The following VPS13B variants were observed in gnomAD, a reference collection of about 807,000 sequenced individuals.
The protein encoded by VPS13B is vacuolar protein sorting 13 homolog B.
In VPS13B, 285 loss-of-function variants were observed where a neutral mutation model predicts 426.4. The observed-to-expected ratio is 0.67, with a 90% confidence interval of 0.61 to 0.74. The LOEUF is 0.74. Ranked by LOEUF, VPS13B falls within the 30% of genes least tolerant of loss-of-function variation. The pLI, the probability that VPS13B is intolerant of heterozygous loss-of-function variation, is 0.00. For synonymous variants in VPS13B, 1,676 were observed against 1,676.4 expected, an observed-to-expected ratio of 1.00 and a Z score of 0.01; for missense variants, 4,537 against 4,782.6, an observed-to-expected ratio of 0.95 and a Z score of 1.51.
At chr8:99,615,289 T>C (rs1828039284) in intron 33 of VPS13B, among the ~76,000 whole-genome samples, 1 of 152,202 alleles carries the variant, frequency 6.6e-6, no homozygotes, top group African/African-American at 2.4e-5. Context: ...GCAAAAACCA[T>C]AGAATGGTCA....
At chr8:99,784,163 T>A (rs1812147234) in intron 42 of VPS13B, 152 bp from the exon 43 acceptor site, 1 of 925,336 alleles carries the variant, frequency 1.1e-6, no homozygotes. Flanking sequence ...TGTGTGCTTA[T>A]CCTGGCAGTA....
chr8:99,528,568 C>A (rs1338189177), intron 30 of VPS13B, among the ~76,000 whole-genome samples: 1 of 152,080 alleles, frequency 6.6e-6, no homozygotes, highest in African/African-American at 2.4e-5. Flanking sequence ...TTTGTCTACA[C>A]CACCTCCCAA....
At chr8:99,575,934 T>C in intron 32 of VPS13B, 150 bp downstream of exon 32, 1 of 753,160 alleles carries the variant, frequency 1.3e-6, no homozygotes, top group East Asian at 2.7e-5. Context: ...TATGGAGCAC[T>C]TTGTAGTACT....
intron 24 of VPS13B, among the ~76,000 whole-genome samples, chr8:99,475,009 C>A (rs949979145): frequency 2.6e-5 from 4 of 152,078 alleles, no homozygotes; most frequent in African/African-American, 7.2e-5. Flanking sequence ...ACTAATCAGC[C>A]ATTAAAGGGC....
chr8:99,698,539 A>G (rs1184307946), intron 35 of VPS13B, among the ~76,000 whole-genome samples: 3 of 152,190 alleles, frequency 2.0e-5, no homozygotes, highest in Non-Finnish European at 2.9e-5. Context: ...ATAATATTAC[A>G]TATGATTTAT....
rs770873113 is a variant in VPS13B, at chr8:99,384,336, A to AT, written c.2934+25dup. ...GCAACAGGTAAGAGATTTTTAAATA[A>AT]TTTTTTCTGTTAACAAATATTTTTC... On this transcript the variant is annotated intron_variant, in intron 20 of 61. Coordinates refer to ENST00000357162, the MANE Select transcript of VPS13B (RefSeq NM_152564.5). 1.3e-5 allele frequency: 21 copies of AT among 1,585,892 alleles called. No individual in the cohort carries two copies. In the African/African-American group the frequency reaches 2.3e-4, roughly 17 times the overall value.
At chr8:99,188,846 T>C (rs1366105980) in intron 16 of VPS13B, among the ~76,000 whole-genome samples, 2 of 152,224 alleles carry the variant, frequency 1.3e-5, no homozygotes, top group Non-Finnish European at 2.9e-5. Flanking sequence ...TTCATGCGCT[T>C]ATTGGCCATT....
Position 99,863,608 on chromosome 8 carries a change from G to A in VPS13B, c.11215+1662G>A, listed in dbSNP as rs145790186. ...TCAGAGAAACCCCAGCCAATGCTCC[G>A]TTTTCAGTGTGTAAGATTGTACCTG... On this transcript the variant is annotated intron_variant, in intron 58 of 61. Coordinates refer to ENST00000357162, the MANE Select transcript of VPS13B (RefSeq NM_152564.5). 2.4e-3 allele frequency among the ~76,000 whole-genome samples: 366 copies of A among 152,214 alleles called. 2 individuals carry two copies. Among genetic ancestry groups the A allele is most frequent in the African/African-American group, 8.2e-3 (341 of 41,526 alleles).
At chr8:99,153,529 C>T (rs536549084) in intron 14 of VPS13B, among the ~76,000 whole-genome samples, 62 of 152,126 alleles carry the variant, frequency 4.1e-4, no homozygotes, top group African/African-American at 1.5e-3. Flanking sequence ...AATTCAAGTC[C>T]ACTTTCAAAT....
intron 19 of VPS13B, among the ~76,000 whole-genome samples, chr8:99,354,436 T>A (rs1268001064): frequency 6.6e-6 from 1 of 151,658 alleles, no homozygotes; most frequent in Non-Finnish European, 1.5e-5. Context: ...TCTATAGATG[T>A]CTTTAGTATG....
intron 6 of VPS13B, among the ~76,000 whole-genome samples, chr8:99,115,164 A>T (rs1036655799): frequency 6.6e-6 from 1 of 152,064 alleles, no homozygotes; most frequent in African/African-American, 2.4e-5. Flanking sequence ...TTTGACAAAA[A>T]TTTTTATTAT....
At chr8:99,101,201 G>A (rs1212837681) in intron 4 of VPS13B, among the ~76,000 whole-genome samples, 5 of 152,046 alleles carry the variant, frequency 3.3e-5, no homozygotes, top group African/African-American at 7.2e-5. Context: ...GCACGATCCC[G>A]GCTCACTGCA....
intron 20 of VPS13B, among the ~76,000 whole-genome samples, chr8:99,386,045 G>C (rs1013276027): frequency 6.6e-6 from 1 of 152,144 alleles, no homozygotes; most frequent in African/African-American, 2.4e-5. Context: ...ATTTTAGAAA[G>C]TTTACTCTAG....
chr8:99,067,146 T>G (rs1196174297), intron 3 of VPS13B, among the ~76,000 whole-genome samples: 1 of 152,184 alleles, frequency 6.6e-6, no homozygotes, highest in East Asian at 1.9e-4. Flanking sequence ...TTACTAGGTA[T>G]ATACCCAAAA....
chr8:99,044,397 T>A (rs1843111454), intron 3 of VPS13B, among the ~76,000 whole-genome samples: 1 of 130,110 alleles, frequency 7.7e-6, no homozygotes, highest in Admixed American at 7.7e-5. Flanking sequence ...TTTTTCTTTT[T>A]TAAAATAAGT....
chr8:99,635,692 A>G (rs970852157), intron 33 of VPS13B, among the ~76,000 whole-genome samples: 2 of 152,000 alleles, frequency 1.3e-5, no homozygotes, highest in Admixed American at 1.3e-4. Flanking sequence ...ATTTATTTGC[A>G]ACATTTTTAT....
At chr8:99,412,776 A>G (rs1815758498) in intron 21 of VPS13B, among the ~76,000 whole-genome samples, 4 of 152,156 alleles carry the variant, frequency 2.6e-5, no homozygotes. Context: ...AGTTTTTAGC[A>G]TGAAGGGGTG....
chr8:99,347,633 T>C (rs967027535), intron 19 of VPS13B: 1 of 152,302 alleles, frequency 6.6e-6, no homozygotes, highest in Non-Finnish European at 1.5e-5. Context: ...TAGCTTGAGA[T>C]TGTGCCTGTC....
chr8:99,631,564 C>T (rs1015153828), intron 33 of VPS13B, among the ~76,000 whole-genome samples: 4 of 151,968 alleles, frequency 2.6e-5, no homozygotes, highest in African/African-American at 9.7e-5. Context: ...AACACATAGA[C>T]AGGTTGGAAA....
Sources: allele counts gnomAD v4.1 joint callset (sites outside exome capture counted in the v4.1 genomes callset), GRCh38; gene constraint gnomAD v4.1.1; transcripts MANE v1.5; gene names NCBI Gene and HGNC (gene_info 2026-07-23, HGNC 2026-07-21).